FAR2: variants seen among roughly 807,000 people sequenced by gnomAD.
FAR2 encodes epididymis secretory protein Li 81.
Under a neutral mutation model 56.0 loss-of-function variants are expected in FAR2, and 19 were observed. The observed-to-expected ratio is 0.34, with a 90% confidence interval of 0.24 to 0.50. The LOEUF is 0.50. FAR2 is among the 20% of genes least tolerant of loss of function. FAR2 has a pLI of 0.98. For synonymous variants in FAR2, 219 were observed against 218.8 expected (o/e 1.00, Z -0.01); for missense variants, 508 against 642.2 (o/e 0.79, Z 2.26).
chr12:29,186,472 T>G (rs1398679236), intron 1 of FAR2, among the ~76,000 whole-genome samples: 1 of 152,242 alleles, frequency 6.6e-6, no homozygotes, highest in Non-Finnish European at 1.5e-5. Context: ...TCCTCTGATC[T>G]TTTAAGGAGT....
At chr12:29,210,133 C>T (rs983180067) in intron 1 of FAR2, among the ~76,000 whole-genome samples, 11 of 152,002 alleles carry the variant, frequency 7.2e-5, no homozygotes, top group South Asian at 2.1e-4. Context: ...AATTGAGCCC[C>T]GGAGGTCAAT....
At chr12:29,219,205 A>T (rs77823666) in intron 1 of FAR2, among the ~76,000 whole-genome samples, 8,113 of 152,054 alleles carry the variant, frequency 0.053, 326 homozygotes, top group South Asian at 0.16. Context: ...AGAATTCTAT[A>T]CCCCAGATAG....
At chr12:29,251,375 CTG>C (rs1226870317) in intron 1 of FAR2, among the ~76,000 whole-genome samples, 1 of 152,146 alleles carries the variant, frequency 6.6e-6, no homozygotes, top group African/African-American at 2.4e-5. Flanking sequence ...ACTAGGGAGA[CTG>C]TGAGTTGGGA....
At chr12:29,170,739 T>C (rs1203411144) in intron 1 of FAR2, among the ~76,000 whole-genome samples, 1 of 88,002 alleles carries the variant, frequency 1.1e-5, no homozygotes, top group Non-Finnish European at 2.7e-5. Context: ...CCTCTTTGTC[T>C]CTGTCTCTTC....
chr12:29,299,963 C>G (rs1341133294), intron 4 of FAR2, among the ~76,000 whole-genome samples: 1 of 152,228 alleles, frequency 6.6e-6, no homozygotes. Flanking sequence ...ACAGGTCATT[C>G]TGAATGTCTG....
Position 29,305,972 on chromosome 12 carries a change from G to C in FAR2, c.546-1686G>C, listed in dbSNP as rs193120312. ...CAATCCCTGCACATTATTGGGCTCT[G>C]ATGTTTCCTAGGTTTTTTTTTTTTT... On this transcript the variant is annotated intron_variant, in intron 4 of 11. Transcript: ENST00000536681. 2.5e-4 allele frequency among the ~76,000 whole-genome samples: 37 copies of C among 150,972 alleles called. 2 individuals carry two copies. The highest frequency in any genetic ancestry group is 5.3e-4 in the Admixed American group (8 of 15,180).
intron 1 of FAR2, among the ~76,000 whole-genome samples, chr12:29,204,860 A>G (rs1947461370): frequency 6.6e-6 from 1 of 152,146 alleles, no homozygotes. Flanking sequence ...AACAGCACCA[A>G]GGAGATGGTG....
At chr12:29,295,935 A>AT (rs1253199158) in intron 3 of FAR2, among the ~76,000 whole-genome samples, 4 of 148,028 alleles carry the variant, frequency 2.7e-5, no homozygotes, top group Admixed American at 2.0e-4. Context: ...CGCCCGGCTA[A>AT]TTTTTTGTAT....
At chr12:29,234,971 G>T (rs1376779964) in intron 1 of FAR2, among the ~76,000 whole-genome samples, 1 of 152,140 alleles carries the variant, frequency 6.6e-6, no homozygotes, top group Non-Finnish European at 1.5e-5. Flanking sequence ...CTTGGAGAGT[G>T]TATGTTTCTC....
intron 1 of FAR2, among the ~76,000 whole-genome samples, chr12:29,163,420 C>T (rs1168238691): frequency 6.6e-6 from 1 of 152,188 alleles, no homozygotes; most frequent in East Asian, 1.9e-4. Context: ...GAGGTATTAT[C>T]CACAGCATTT....
chr12:29,232,848 G>C (rs771580425), intron 1 of FAR2, among the ~76,000 whole-genome samples: 6 of 124,222 alleles, frequency 4.8e-5, no homozygotes, highest in Non-Finnish European at 9.6e-5. Context: ...CACACACACA[G>C]AGTGCCCTTC....
At chr12:29,288,490 TTTTCTTACTTTAA>T (rs1415987791) in intron 2 of FAR2, among the ~76,000 whole-genome samples, 1 of 152,176 alleles carries the variant, frequency 6.6e-6, no homozygotes, top group African/African-American at 2.4e-5. Context: ...TTTCATCTAT[TTTTCTTACTTTAA>T]TCTCTCACAT....
At chr12:29,324,268 C>G (rs1001759500) in intron 10 of FAR2, among the ~76,000 whole-genome samples, 20 of 152,290 alleles carry the variant, frequency 1.3e-4, no homozygotes, top group African/African-American at 4.8e-4. Context: ...AAATCTACGT[C>G]TGATTGGTGT....
intron 1 of FAR2, among the ~76,000 whole-genome samples, chr12:29,257,607 G>C (rs1198177570): frequency 6.6e-6 from 1 of 152,162 alleles, no homozygotes; most frequent in Non-Finnish European, 1.5e-5. Flanking sequence ...AAGGTCTGCA[G>C]CTTCACTCCT....
At chr12:29,174,558 C>T (rs1949918859) in intron 1 of FAR2, among the ~76,000 whole-genome samples, 1 of 145,892 alleles carries the variant, frequency 6.9e-6, no homozygotes, top group African/African-American at 2.5e-5. Context: ...GTAGCTGGCA[C>T]TACAGGGGCC....
At chr12:29,327,830 G>A (rs1949672633) in intron 10 of FAR2, among the ~76,000 whole-genome samples, 1 of 152,074 alleles carries the variant, frequency 6.6e-6, no homozygotes, top group Middle Eastern at 3.2e-3. Context: ...ATACCATTCA[G>A]GACACAGGCA....
chr12:29,332,870 T>C, intron 11 of FAR2, 143 bp downstream of exon 11: 1 of 800,200 alleles, frequency 1.2e-6, no homozygotes, highest in Non-Finnish European at 2.1e-6. Context: ...CTCTACCCTG[T>C]AACACAGTTT....
chr12:29,172,795 C>T (rs777893364), intron 1 of FAR2, among the ~76,000 whole-genome samples: 24 of 152,160 alleles, frequency 1.6e-4, no homozygotes, highest in Non-Finnish European at 2.6e-4. Flanking sequence ...CCCTGAGTTA[C>T]GGTGGACATC....
intron 1 of FAR2, among the ~76,000 whole-genome samples, chr12:29,255,004 G>T (rs1948294906): frequency 6.6e-6 from 1 of 151,240 alleles, no homozygotes; most frequent in Non-Finnish European, 1.5e-5. Flanking sequence ...ATCAATGATT[G>T]TGATGCATTA....
Sources: gnomAD v4.1 joint callset for allele counts (sites outside exome capture counted in the v4.1 genomes callset) on GRCh38, gnomAD v4.1.1 for gene constraint, MANE v1.5 for transcripts, NCBI Gene and HGNC (gene_info 2026-07-23, HGNC 2026-07-21) for gene names.